DSCAML1: variants seen among roughly 807,000 people sequenced by gnomAD.
DSCAML1 encodes DS cell adhesion molecule like 1.
A neutral mutation model predicts 200.5 loss-of-function variants in DSCAML1; 38 were observed. The ratio of observed to expected loss-of-function variants is 0.19; its 90% CI spans 0.15 to 0.25. The LOEUF (loss-of-function observed/expected upper bound fraction) is 0.25, where lower values mean the gene tolerates loss of function less well. Among genes scored for constraint, DSCAML1 ranks in the 10% least tolerant of loss-of-function variants. The pLI, the probability that DSCAML1 is intolerant of heterozygous loss-of-function variation, is 1.00. For synonymous variants in DSCAML1, 1,215 were observed against 1,165.0 expected (o/e 1.04, Z -0.87); for missense variants, 2,223 against 2,858.8 (o/e 0.78, Z 5.07).
chr11:117,438,055 G>A lies in DSCAML1; in HGVS notation c.4272C>T (p.Asn1424=). ...RGFVLQYSVD[N]SEEWKDVFIS... ...TGAACACATCCTTCCACTCCTCGCT[G>A]TTGTCCACCGAGTACTGTAGCACGA... The change falls in exon 25 of 33, where the codon AAC becomes AAT. Residue 1424 remains asparagine (N), a synonymous_variant. Transcript: ENST00000651296. 2 of 1,613,882 alleles carry A rather than the reference G, an allele frequency of 1.2e-6. No individual in the cohort carries two copies. The highest frequency in any genetic ancestry group is 1.7e-6 in the Non-Finnish European group (2 of 1,179,884).
At chr11:117,798,995 C>A (rs1446920679), upstream of DSCAML1, among the ~76,000 whole-genome samples, 1 of 152,144 alleles carries the variant, frequency 6.6e-6, no homozygotes, top group East Asian at 1.9e-4. Context: ...GGACAGACTG[C>A]AGGGGGTGTT....
intron 8 of DSCAML1, among the ~76,000 whole-genome samples, chr11:117,509,044 G>A (rs1276616604): frequency 6.6e-6 from 1 of 152,112 alleles, no homozygotes; most frequent in Non-Finnish European, 1.5e-5. Context: ...TGTGGGCTGG[G>A]GAAAGTAGAA....
In DSCAML1 at chr11:117,437,143, C is replaced by A; in HGVS notation, c.4699G>T (p.Ala1567Ser). 6.2e-7 allele frequency: 1 copy of A among 1,613,140 alleles called. No individual in the cohort carries two copies. The change falls in exon 26 of 33, where the codon GCC becomes TCC. Residue 1567 changes from alanine to serine, a missense_variant. Ala to Ser is a moderately conservative substitution (Grantham distance 99, BLOSUM62 1). Coordinates refer to ENST00000651296, the MANE Select transcript of DSCAML1 (RefSeq NM_020693.4). The surrounding 1 kb of genome is among the most constrained non-coding windows in gnomAD (Gnocchi z 5.3). ...AGCGNETAQF[A>S]TLDYDGSTIP... ...TCACTGCCATCGTAGTCCAGGGTGG[C>A]GAACTGGGCTGTTTCATTGCCGCAG...
chr11:117,746,963 G>T (rs920440534), intron 3 of DSCAML1, among the ~76,000 whole-genome samples: 3 of 152,194 alleles, frequency 2.0e-5, no homozygotes, highest in Non-Finnish European at 4.4e-5. Flanking sequence ...GGGTCAGCGA[G>T]ATTTGTCCTG....
At chr11:117,520,626 TAAA>T (rs565011943) in intron 6 of DSCAML1, among the ~76,000 whole-genome samples, 3 of 141,328 alleles carry the variant, frequency 2.1e-5, no homozygotes, top group East Asian at 4.1e-4. Context: ...GTAACATCAT[TAAA>T]AAAAAAAAAG....
chr11:117,662,408 C>G (rs1003460578), intron 3 of DSCAML1, among the ~76,000 whole-genome samples: 4 of 152,238 alleles, frequency 2.6e-5, no homozygotes, highest in Non-Finnish European at 5.9e-5. Flanking sequence ...GCACAATTGG[C>G]CCAAATGCCC....
intron 20 of DSCAML1, among the ~76,000 whole-genome samples, chr11:117,447,657 C>T (rs2048207634): frequency 6.6e-6 from 1 of 152,034 alleles, no homozygotes; most frequent in South Asian, 2.1e-4. Flanking sequence ...TGTGGCCATC[C>T]CCAGGGGTAG....
intron 11 of DSCAML1, among the ~76,000 whole-genome samples, chr11:117,484,551 A>T (rs2048998859): frequency 6.6e-6 from 1 of 152,272 alleles, no homozygotes; most frequent in Non-Finnish European, 1.5e-5. Flanking sequence ...GTTATAATGA[A>T]GAAAAAGCCT....
intron 26 of DSCAML1, among the ~76,000 whole-genome samples, chr11:117,436,878 G>A (rs2047928162): frequency 6.6e-6 from 1 of 152,120 alleles, no homozygotes; most frequent in Non-Finnish European, 1.5e-5. Context: ...TCCATCTTTG[G>A]TATTACTGAC....
chr11:117,484,449 G>A (rs2048997057), intron 11 of DSCAML1, among the ~76,000 whole-genome samples: 2 of 152,150 alleles, frequency 1.3e-5, no homozygotes, highest in African/African-American at 4.8e-5. Context: ...CCCAGCCCCA[G>A]CTCATCAAAT....
intron 3 of DSCAML1, among the ~76,000 whole-genome samples, chr11:117,757,662 G>A (rs1202499762): frequency 6.6e-6 from 1 of 151,140 alleles, no homozygotes; most frequent in South Asian, 2.1e-4. Flanking sequence ...CTTTTTCTCT[G>A]TAAGTTAAAA....
intron 4 of DSCAML1, among the ~76,000 whole-genome samples, chr11:117,530,248 A>C (rs2050050299): frequency 6.6e-6 from 1 of 151,758 alleles, no homozygotes; most frequent in African/African-American, 2.4e-5. Context: ...TTTTTGAGGG[A>C]CTCTTGCCTA....
chr11:117,662,509 G>A (rs1426365470), intron 3 of DSCAML1, among the ~76,000 whole-genome samples: 1 of 152,236 alleles, frequency 6.6e-6, no homozygotes, highest in Non-Finnish European at 1.5e-5. Flanking sequence ...CGTCGAGAAT[G>A]CCAGAGAAAA....
chr11:117,609,111 A>G (rs2051636475), intron 3 of DSCAML1, among the ~76,000 whole-genome samples: 1 of 151,992 alleles, frequency 6.6e-6, no homozygotes, highest in Non-Finnish European at 1.5e-5. Flanking sequence ...AGGCAGGACA[A>G]TCGCTTGAAC....
At chr11:117,558,839 A>G (rs2050605738) in intron 3 of DSCAML1, among the ~76,000 whole-genome samples, 1 of 152,226 alleles carries the variant, frequency 6.6e-6, no homozygotes, top group African/African-American at 2.4e-5. Flanking sequence ...CTAACAGAAC[A>G]AAAATTTTAC....
chr11:117,438,223 C>A, intron 24 of DSCAML1, 140 bp from the exon 25 acceptor site: 1 of 733,720 alleles, frequency 1.4e-6, no homozygotes, highest in Non-Finnish European at 2.2e-6. Flanking sequence ...GGCATATGCT[C>A]CTTAGAAGCA....
chr11:117,623,692 T>C (rs988171834), intron 3 of DSCAML1, among the ~76,000 whole-genome samples: 2 of 152,202 alleles, frequency 1.3e-5, no homozygotes, highest in Non-Finnish European at 2.9e-5. Flanking sequence ...CATCATATGG[T>C]TATAAAGATT....
At chr11:117,471,803 G>GCAAGCTCATTGCCAGTGAACAGGATCC in intron 15 of DSCAML1, 66 bp downstream of exon 15, 1 of 1,226,134 alleles carries the variant, frequency 8.2e-7, no homozygotes, top group Non-Finnish European at 1.1e-6. Context: ...GAACAGGATC[G>GCAAGCTCATTGCCAGTGAACAGGATCC]CTGTAGGCCC....
chr11:117,547,783 A>G (rs7101426), intron 3 of DSCAML1, among the ~76,000 whole-genome samples: 4,549 of 152,268 alleles, frequency 0.03, 211 homozygotes, highest in African/African-American at 0.1. Context: ...TGCTGAAAAC[A>G]TCTCGTGGCT....
Sources: allele counts gnomAD v4.1 joint callset (sites outside exome capture counted in the v4.1 genomes callset), GRCh38; gene constraint gnomAD v4.1.1; non-coding constraint Gnocchi (gnomAD v3.1); transcripts MANE v1.5; gene names NCBI Gene and HGNC (gene_info 2026-07-23, HGNC 2026-07-21).